Variants in SIMC1 observed in about 807,000 individuals in gnomAD.
The protein encoded by SIMC1 is SUMO-interacting motif-containing protein 1.
In SIMC1, 55 loss-of-function variants were observed where a neutral mutation model predicts 82.3. That is an observed-to-expected ratio of 0.67 (90% CI 0.54 to 0.84). SIMC1 has a LOEUF of 0.84. Among genes scored for constraint, SIMC1 ranks in the 40% least tolerant of loss-of-function variants. The pLI, the probability that SIMC1 is intolerant of heterozygous loss-of-function variation, is 0.00. For missense variants in SIMC1, 915 were observed against 1,107.2 expected (o/e 0.83, Z 2.46); for synonymous variants, 353 against 426.3 (o/e 0.83, Z 2.12).
chr5:176,277,253 G>A (rs930399641), intron 1 of SIMC1, among the ~76,000 whole-genome samples: 6 of 151,692 alleles, frequency 4.0e-5, no homozygotes, highest in Admixed American at 1.3e-4. Flanking sequence ...CTTCTTTTGA[G>A]AAGTGTCTGT....
chr5:176,324,235 T>C (rs1765281820), intron 6 of SIMC1, among the ~76,000 whole-genome samples: 1 of 152,186 alleles, frequency 6.6e-6, no homozygotes, highest in Non-Finnish European at 1.5e-5. Flanking sequence ...TTTTCTCCTG[T>C]ATCAAAGAAA....
At chr5:176,342,915 A>G (rs1199427401) in intron 9 of SIMC1, among the ~76,000 whole-genome samples, 1 of 152,228 alleles carries the variant, frequency 6.6e-6, no homozygotes, top group Non-Finnish European at 1.5e-5. Flanking sequence ...CCAAGGCTCT[A>G]AATTCCACTG....
Position 176,295,231 on chromosome 5 carries a change from G to C in SIMC1, c.1633G>C (p.Glu545Gln). 2.5e-6 allele frequency: 4 copies of C among 1,613,166 alleles called. No homozygotes were observed. The highest frequency in any genetic ancestry group is 3.4e-6 in the Non-Finnish European group (4 of 1,179,494). The part of the protein sequence containing the change: ...SGSETVDVLK[E>Q]AYMLLMKIQQ... ...CTCTGAGACTGTGGATGTCCTAAAGGAGGCCTACATGCTTCTCATGAAAAT... is the reference window on the plus strand; with the variant it reads ...CTCTGAGACTGTGGATGTCCTAAAGCAGGCCTACATGCTTCTCATGAAAAT... Residue 545 changes from glutamate (E) to glutamine (Q), a missense_variant, in exon 3 of 10, where the codon GAG becomes CAG. Transcript: ENST00000429602.
intron 4 of SIMC1, among the ~76,000 whole-genome samples, chr5:176,309,973 A>G (rs1764593937): frequency 6.6e-6 from 1 of 152,182 alleles, no homozygotes; most frequent in Non-Finnish European, 1.5e-5. Context: ...AAAAACAAAC[A>G]GTCCAATTAG....
rs1431276958 is a variant in SIMC1 at position 176,289,870 on chromosome 5, A to C, written c.346A>C (p.Ser116Arg). Reference sequence around the variant, plus strand: ...GGTGATGGAAGGGCACGTGGACAGAAGCTCTCAGCCTACAGCACGGAGAAT... The same window carrying C: ...GGTGATGGAAGGGCACGTGGACAGACGCTCTCAGCCTACAGCACGGAGAAT... The part of the protein sequence containing the change: ...KAVMEGHVDR[S>R]SQPTARRIIN... The change falls in exon 2 of 10, where the codon AGC becomes CGC. Residue 116 changes from serine to arginine, a missense_variant. Ser to Arg is a moderately radical substitution (Grantham distance 110, BLOSUM62 -1). Coordinates refer to ENST00000429602, the MANE Select transcript of SIMC1 (RefSeq NM_001308195.2). The C allele has an allele frequency of 6.2e-7, 1 of 1,613,800 alleles. No homozygotes were observed. Among genetic ancestry groups the C allele is most frequent in the Non-Finnish European group, 8.5e-7 (1 of 1,179,860 alleles).
intron 1 of SIMC1, among the ~76,000 whole-genome samples, chr5:176,263,822 C>A (rs1446804050): frequency 6.6e-6 from 1 of 152,116 alleles, no homozygotes; most frequent in African/African-American, 2.4e-5. Context: ...TTAAAAAATG[C>A]AAAATCTCAT....
At chr5:176,258,837 C>T (rs930649866) in intron 1 of SIMC1, among the ~76,000 whole-genome samples, 1 of 152,172 alleles carries the variant, frequency 6.6e-6, no homozygotes, top group Admixed American at 6.5e-5. Flanking sequence ...CTCATTTATC[C>T]TGAACTGTCT....
At chr5:176,311,600 A>T (rs1764667924) in intron 4 of SIMC1, among the ~76,000 whole-genome samples, 1 of 152,116 alleles carries the variant, frequency 6.6e-6, no homozygotes, top group Admixed American at 6.5e-5. Context: ...AGGTATTCTC[A>T]AGATTCAGCA....
intron 1 of SIMC1, among the ~76,000 whole-genome samples, chr5:176,288,350 G>A (rs1400537148): frequency 2.0e-5 from 3 of 152,104 alleles, no homozygotes; most frequent in Non-Finnish European, 4.4e-5. Flanking sequence ...AGAGTTTGCA[G>A]TGAGCCAAGA....
At chr5:176,281,815 G>A (rs147093756) in intron 1 of SIMC1, among the ~76,000 whole-genome samples, 1,787 of 152,268 alleles carry the variant, frequency 0.012, 23 homozygotes, top group Middle Eastern at 0.037. Flanking sequence ...GTACCCGGCC[G>A]TGTGAGGTGT....
At chr5:176,249,524 T>C (rs1761569178) in intron 1 of SIMC1, among the ~76,000 whole-genome samples, 1 of 151,954 alleles carries the variant, frequency 6.6e-6, no homozygotes, top group South Asian at 2.1e-4. Context: ...TAGTGGTCTA[T>C]CTATGTTGTT....
At position 176,304,496 on chromosome 5, in the gene SIMC1, G is replaced by A. The variant is rs552807295; in HGVS notation, c.1734+8176G>A. 48 of 162,682 alleles carry A rather than the reference G, an allele frequency of 3.0e-4. No individual in the cohort carries two copies. In the South Asian group the frequency reaches 5.8e-3, roughly 20 times the overall value. The allele number at this position is 162,682 out of a possible 1,614,324, so 10.1% of individuals were successfully genotyped here. A position where few individuals can be genotyped will look rare whatever the true frequency, so the allele number is the denominator to read the frequency against. The stretch of plus-strand genomic sequence containing the variant: ...AGTCTCGTTCACTCAGTGCTCAATG[G>A]TGCCCAGGCTGGAGTGCAGTGGCGT... On this transcript the variant is annotated intron_variant, in intron 4 of 9. Coordinates refer to ENST00000429602, the MANE Select transcript of SIMC1 (RefSeq NM_001308195.2).
At chr5:176,327,001 G>T (rs774631708) in intron 7 of SIMC1, among the ~76,000 whole-genome samples, 9 of 152,202 alleles carry the variant, frequency 5.9e-5, no homozygotes, top group Non-Finnish European at 1.2e-4. Context: ...ATTCAAAGGA[G>T]GCAGTGTGTT....
Position 176,308,284 on chromosome 5 carries a change from TCGTTCTGTCATCATCTTAA to T in SIMC1, c.1735-5404_1735-5386del, listed in dbSNP as rs375304014. The T allele has an allele frequency of 4.7e-4, 693 of 1,480,562 alleles. 3 individuals carry two copies. In the African/African-American group the frequency reaches 8.5e-3, roughly 18 times the overall value. The allele number at this position is 1,480,562 out of a possible 1,614,324, so 91.7% of individuals were successfully genotyped here. A position where few individuals can be genotyped will look rare whatever the true frequency, so the allele number is the denominator to read the frequency against. On this transcript the variant is annotated intron_variant, in intron 4 of 9. Transcript: ENST00000429602. Reference sequence around the variant, plus strand: ...TTGATGCCATCAGAATTGTTCACATTCGTTCTGTCATCATCTTAACGACGTTCTGATAAGAGGAAGGACC... The same window carrying T: ...TTGATGCCATCAGAATTGTTCACATTCGACGTTCTGATAAGAGGAAGGACC...
chr5:176,290,133 A>T lies in SIMC1; in HGVS notation c.609A>T (p.Ala203=). 6 of 1,604,608 alleles carry T rather than the reference A, an allele frequency of 3.7e-6. No homozygotes were observed. The highest frequency in any genetic ancestry group is 5.1e-6 in the Non-Finnish European group (6 of 1,175,558). Residue 203 remains alanine (A), a synonymous_variant, in exon 2 of 10, where the codon GCA becomes GCT. Coordinates refer to ENST00000429602, the MANE Select transcript of SIMC1 (RefSeq NM_001308195.2). ...RSSSSSSNQK[A]PLPCPQQDVS... ...GCAGCAGCAGCAGCAATCAAAAAGC[A>T]CCCTTGCCATGCCCACAGCAAGATG... is the stretch of plus-strand genomic sequence containing the variant.
chr5:176,321,527 T>C (rs912693526), intron 5 of SIMC1, among the ~76,000 whole-genome samples: 3 of 152,080 alleles, frequency 2.0e-5, no homozygotes, highest in Non-Finnish European at 4.4e-5. Context: ...TTTATTATAA[T>C]ATTAGTGGGG....
intron 1 of SIMC1, among the ~76,000 whole-genome samples, chr5:176,256,437 A>G (rs1761854331): frequency 2.6e-5 from 4 of 152,174 alleles, no homozygotes; most frequent in Admixed American, 2.6e-4. Flanking sequence ...ACTTTCCATG[A>G]TATACTCAGA....
intron 5 of SIMC1, among the ~76,000 whole-genome samples, chr5:176,317,586 T>C (rs1246437622): frequency 6.6e-6 from 1 of 152,126 alleles, no homozygotes; most frequent in African/African-American, 2.4e-5. Context: ...ATCACACACA[T>C]ATTTGCCAGC....
chr5:176,327,900 C>A (rs1340438588), intron 7 of SIMC1, among the ~76,000 whole-genome samples: 1 of 152,152 alleles, frequency 6.6e-6, no homozygotes, highest in East Asian at 1.9e-4. Flanking sequence ...AATTTACTCA[C>A]GTTAAACCAA....
Sources: gnomAD v4.1 joint callset for allele counts (sites outside exome capture counted in the v4.1 genomes callset) on GRCh38, gnomAD v4.1.1 for gene constraint, MANE v1.5 for transcripts, NCBI Gene and HGNC (gene_info 2026-07-23, HGNC 2026-07-21) for gene names.